The following PTPN13 variants were observed in gnomAD, a reference collection of about 807,000 sequenced individuals.
PTPN13 encodes tyrosine-protein phosphatase non-receptor type 13.
PTPN13 carries 191 observed loss-of-function variants against 284.0 expected under a neutral mutation model. The observed-to-expected ratio is 0.67, with a 90% CI of 0.60 to 0.76. PTPN13 has a LOEUF of 0.76. Among genes scored for constraint, PTPN13 ranks in the 30% least tolerant of loss-of-function variants. PTPN13 has a pLI of 0.00. For missense variants in PTPN13, 2,797 were observed against 2,939.9 expected, an observed-to-expected ratio of 0.95 and a Z score of 1.12; for synonymous variants, 986 against 1,022.3, an observed-to-expected ratio of 0.96 and a Z score of 0.68.
chr4:86,810,564 G>A (rs964754383), intron 46 of PTPN13, among the ~76,000 whole-genome samples: 1 of 152,050 alleles, frequency 6.6e-6, no homozygotes, highest in Admixed American at 6.5e-5. Flanking sequence ...AAATCATAGT[G>A]TCTTAAAAAG....
At chr4:86,694,507 G>A (rs1935911824) in intron 6 of PTPN13, among the ~76,000 whole-genome samples, 3 of 145,614 alleles carry the variant, frequency 2.1e-5, no homozygotes, top group Admixed American at 2.1e-4. Flanking sequence ...GAACCGGGGA[G>A]GCAGAGGTTG....
intron 2 of PTPN13, among the ~76,000 whole-genome samples, chr4:86,639,401 A>G (rs1358292528): frequency 1.3e-5 from 2 of 152,196 alleles, no homozygotes; most frequent in Non-Finnish European, 1.5e-5. Context: ...GGCACTATTC[A>G]CAATAGCAAA....
chr4:86,651,240 A>G (rs868419009), intron 2 of PTPN13, among the ~76,000 whole-genome samples: 98 of 152,336 alleles, frequency 6.4e-4, no homozygotes, highest in African/African-American at 2.0e-3. Flanking sequence ...ATGTTGAACT[A>G]TCCTTCCATT....
chr4:86,789,388 G>T (rs1742355578), intron 40 of PTPN13, among the ~76,000 whole-genome samples: 1 of 152,080 alleles, frequency 6.6e-6, no homozygotes, highest in Non-Finnish European at 1.5e-5. Context: ...TGGATCTTAG[G>T]ACTGGCTTTA....
At chr4:86,677,506 G>A (rs1177088572) in intron 3 of PTPN13, among the ~76,000 whole-genome samples, 1 of 151,406 alleles carries the variant, frequency 6.6e-6, no homozygotes, top group African/African-American at 2.4e-5. Context: ...GTAGAGACAG[G>A]GTCTCACCAT....
chr4:86,774,716 TA>T (rs60289901), intron 33 of PTPN13, among the ~76,000 whole-genome samples, 185 bp downstream of exon 33: 10,255 of 149,824 alleles, frequency 0.068, 429 homozygotes, highest in African/African-American at 0.1. Context: ...TATATATATA[TA>T]TATATTTTTT....
intron 2 of PTPN13, among the ~76,000 whole-genome samples, chr4:86,667,102 A>G (rs1301927802): frequency 2.6e-5 from 4 of 152,202 alleles, no homozygotes; most frequent in African/African-American, 9.6e-5. Flanking sequence ...TGCCTAAATA[A>G]TTCTTTTTAA....
chr4:86,732,846 A>C, intron 12 of PTPN13, 80 bp downstream of exon 12: 1 of 1,263,886 alleles, frequency 7.9e-7, no homozygotes, highest in South Asian at 1.8e-5. Flanking sequence ...ACCATGCCTG[A>C]CCTCATTTTG....
intron 1 of PTPN13, among the ~76,000 whole-genome samples, chr4:86,632,249 A>G (rs774880444): frequency 2.6e-5 from 4 of 152,170 alleles, no homozygotes; most frequent in African/African-American, 4.8e-5. Flanking sequence ...AAGATTATCT[A>G]TAGATGGAAG....
intron 43 of PTPN13, among the ~76,000 whole-genome samples, chr4:86,804,274 C>T (rs532992682): frequency 2.0e-5 from 3 of 152,194 alleles, no homozygotes; most frequent in South Asian, 2.1e-4. Context: ...TGGCTCAGAG[C>T]CCTAGCTCCT....
At chr4:86,755,132 T>C (rs1193202199) in intron 20 of PTPN13, among the ~76,000 whole-genome samples, 1 of 152,082 alleles carries the variant, frequency 6.6e-6, no homozygotes, top group African/African-American at 2.4e-5. Flanking sequence ...ATGAAAATTA[T>C]AAATGGACAT....
rs140309555 is a variant in PTPN13 at position 86,604,323 on chromosome 4, T to C, written c.-6+9534T>C. On this transcript the variant is annotated intron_variant, in intron 1 of 47. Transcript: ENST00000411767. ...TATACACATATAAAATGATTGGGCATAGCCTACTGATTCTGTTTACAGGAA... is the reference window on the plus strand; with the variant it reads ...TATACACATATAAAATGATTGGGCACAGCCTACTGATTCTGTTTACAGGAA... Among the ~76,000 whole-genome samples, 107 of 152,208 alleles carry C rather than the reference T, an allele frequency of 7.0e-4. 1 individual carries two copies. The South Asian group carries it at 0.014, about 21-fold the overall frequency.
chr4:86,693,651 T>G lies in PTPN13; in HGVS notation c.611T>G (p.Leu204Trp). 6.4e-7 allele frequency: 1 copy of G among 1,554,622 alleles called. No homozygotes were observed. The highest frequency in any genetic ancestry group is 8.7e-7 in the Non-Finnish European group (1 of 1,146,626). Reference protein sequence around the residue: ...PDRSQAIRDRLRGKGLPTGRS... With the variant: ...PDRSQAIRDRWRGKGLPTGRS... The stretch of plus-strand genomic sequence containing the variant: ...CGAAGCCAGGCTATTCGAGATCGAT[T>G]GCGAGGAAAAGGATTACCAACAGGT... Residue 204 changes from leucine to tryptophan, a missense_variant, in exon 6 of 48, where the codon TTG becomes TGG. Physicochemically the swap from Leu to Trp is moderately conservative, Grantham distance 61 (BLOSUM62 -2). Transcript: ENST00000411767.
At chr4:86,726,847 A>G (rs1734315646) in intron 10 of PTPN13, among the ~76,000 whole-genome samples, 1 of 149,384 alleles carries the variant, frequency 6.7e-6, no homozygotes, top group African/African-American at 2.4e-5. Flanking sequence ...TTCCAACACT[A>G]TGTTGAATAG....
chr4:86,738,454 A>G (rs924259333), intron 15 of PTPN13, among the ~76,000 whole-genome samples: 1 of 152,130 alleles, frequency 6.6e-6, no homozygotes, highest in African/African-American at 2.4e-5. Context: ...TACTTCCCTC[A>G]TTACTATTTA....
intron 17 of PTPN13, among the ~76,000 whole-genome samples, chr4:86,749,339 C>T (rs1345411): frequency 5.3e-5 from 8 of 151,916 alleles, no homozygotes; most frequent in Admixed American, 3.3e-4. Context: ...TCATCATCAT[C>T]ACCTGGCACC....
Position 86,734,420 on chromosome 4 carries a change from GA to G in PTPN13, c.1978del (p.Ile660LeufsTer10). On this transcript the variant is annotated frameshift_variant, in exon 13 of 48. Coordinates refer to ENST00000411767, the MANE Select transcript of PTPN13 (RefSeq NM_080683.3). LOFTEE classifies it high-confidence loss of function. ...ACTGTTAATTTTACTTTGTTTTTCA[GA>G]ATTAAATTTTTTATGGATGATGTTA... ...KATVNFTLFF[R>X]IKFFMDDVSL... The G allele has an allele frequency of 6.4e-7, 1 of 1,558,540 alleles. No homozygotes were observed.
At chr4:86,644,909 A>C (rs1408293456) in intron 2 of PTPN13, among the ~76,000 whole-genome samples, 1 of 152,124 alleles carries the variant, frequency 6.6e-6, no homozygotes, top group Non-Finnish European at 1.5e-5. Flanking sequence ...TTCAATCTTA[A>C]AAAGCTCTCA....
At chr4:86,636,975 A>G (rs1385945011) in intron 2 of PTPN13, among the ~76,000 whole-genome samples, 1 of 151,650 alleles carries the variant, frequency 6.6e-6, no homozygotes, top group Non-Finnish European at 1.5e-5. Flanking sequence ...AAATAGACGC[A>G]ATAAAAAATG....
Sources: allele counts gnomAD v4.1 joint callset (sites outside exome capture counted in the v4.1 genomes callset), GRCh38; gene constraint gnomAD v4.1.1; transcripts MANE v1.5; gene names NCBI Gene and HGNC (gene_info 2026-07-23, HGNC 2026-07-21).